The following PRDM16 variants were observed in gnomAD, a reference collection of about 807,000 sequenced individuals.
PRDM16 encodes the protein histone-lysine N-methyltransferase PRDM16.
A neutral mutation model predicts 110.6 loss-of-function variants in PRDM16; 23 were observed. That is an observed-to-expected ratio of 0.21 (90% confidence interval 0.15 to 0.29). The LOEUF (loss-of-function observed/expected upper bound fraction) is 0.29. Among genes scored for constraint, PRDM16 ranks in the 10% least tolerant of loss-of-function variants. PRDM16 has a pLI of 1.00. For missense variants in PRDM16, 1,615 were observed against 1,794.3 expected, an observed-to-expected ratio of 0.90 and a Z score of 1.81; for synonymous variants, 799 against 781.8, an observed-to-expected ratio of 1.02 and a Z score of -0.37.
chr1:3,172,113 A>C (rs980139106), intron 1 of PRDM16, among the ~76,000 whole-genome samples: 7 of 152,156 alleles, frequency 4.6e-5, no homozygotes, highest in African/African-American at 1.7e-4. Context: ...CCACCTAGCA[A>C]TCAGGGTGGA....
At chr1:3,381,212 CACAT>C (rs1643096098) in intron 3 of PRDM16, among the ~76,000 whole-genome samples, 1 of 152,160 alleles carries the variant, frequency 6.6e-6, no homozygotes, top group African/African-American at 2.4e-5. Flanking sequence ...GCACACCCCC[CACAT>C]ACATTTGCAC....
At chr1:3,118,078 C>T (rs12408983) in intron 1 of PRDM16, among the ~76,000 whole-genome samples, 2,114 of 148,828 alleles carry the variant, frequency 0.014, 76 homozygotes, top group East Asian at 0.076. Flanking sequence ...TGTGTGTGTG[C>T]GTGCATGTGT....
intron 3 of PRDM16, among the ~76,000 whole-genome samples, chr1:3,355,693 CCA>C (rs1642581886): frequency 6.6e-6 from 1 of 152,214 alleles, no homozygotes; most frequent in Non-Finnish European, 1.5e-5. Context: ...ACCTCTCAGA[CCA>C]CACAGATGAG....
In PRDM16 at chr1:3,271,055, C is replaced by T. The variant is rs533763820; in HGVS notation, c.438+26918C>T. On this transcript the variant is annotated intron_variant, in intron 3 of 16. Transcript: ENST00000270722. Reference sequence around the variant, plus strand: ...GTGTCTGCCACGCTCCTCCCAGTCCCGGCTGTGGCCGGCCTGCCTGCCCCG... The same window carrying T: ...GTGTCTGCCACGCTCCTCCCAGTCCTGGCTGTGGCCGGCCTGCCTGCCCCG... 3.9e-3 allele frequency among the ~76,000 whole-genome samples: 593 copies of T among 152,016 alleles called. 4 individuals are homozygous for T. Among genetic ancestry groups the T allele is most frequent in the African/African-American group, 0.014 (562 of 41,334 alleles).
At chr1:3,427,552 G>A (rs563892130) in intron 14 of PRDM16, among the ~76,000 whole-genome samples, 8 of 152,264 alleles carry the variant, frequency 5.3e-5, no homozygotes, top group Non-Finnish European at 7.4e-5. Flanking sequence ...GCAGGGCTGC[G>A]TCTTCCTGTC....
At chr1:3,162,110 A>T (rs1250129667) in intron 1 of PRDM16, among the ~76,000 whole-genome samples, 1 of 152,010 alleles carries the variant, frequency 6.6e-6, no homozygotes, top group East Asian at 1.9e-4. Flanking sequence ...TAAAATATAC[A>T]AATGTAATCT....
chr1:3,420,422 G>T (rs1040233969), intron 12 of PRDM16, among the ~76,000 whole-genome samples: 1 of 152,230 alleles, frequency 6.6e-6, no homozygotes, highest in Non-Finnish European at 1.5e-5. Flanking sequence ...CCACGTGTGT[G>T]CCCGCCGCAT....
intron 1 of PRDM16, among the ~76,000 whole-genome samples, chr1:3,135,443 C>A (rs900649333): frequency 6.6e-6 from 1 of 152,332 alleles, no homozygotes; most frequent in South Asian, 2.1e-4. Flanking sequence ...GAGCTCCGGG[C>A]GTCCTGGGAA....
intron 3 of PRDM16, among the ~76,000 whole-genome samples, chr1:3,365,382 G>A (rs61759199): frequency 0.023 from 3,533 of 152,326 alleles, 66 homozygotes; most frequent in South Asian, 0.034. Context: ...GAGGAAAGGC[G>A]CGTGTGGCTG....
rs1350960122 is a variant in PRDM16 at position 3,431,010 on chromosome 1, C to T, written c.3423C>T (p.Asp1141=). The change falls in exon 15 of 17, where the codon GAC becomes GAT. Residue 1141 remains aspartate, a synonymous_variant. Coordinates refer to ENST00000270722, the MANE Select transcript of PRDM16 (RefSeq NM_022114.4). The stretch of plus-strand genomic sequence containing the variant: ...GCCTGGCCGGGAAGTCGCAGGATGA[C>T]ACCGTGTCCCCCGCACCCGAGCCCC... ...EDSLAGKSQD[D]TVSPAPEPQA... is the part of the protein sequence containing the mutation. The T allele has an allele frequency of 6.3e-7, 1 of 1,586,412 alleles. No individual in the cohort carries two copies.
intron 1 of PRDM16, among the ~76,000 whole-genome samples, chr1:3,166,817 G>T (rs79628785): frequency 0.044 from 6,674 of 152,264 alleles, 346 homozygotes; most frequent in East Asian, 0.11. Context: ...CCGGTAAACT[G>T]GAGTTGCCAT....
chr1:3,323,671 G>A lies in PRDM16; in HGVS notation c.439-61481G>A, dbSNP rs950925778. 2.6e-5 allele frequency among the ~76,000 whole-genome samples: 4 copies of A among 152,372 alleles called. No homozygotes were observed. The South Asian group carries it at 6.2e-4, about 24-fold the overall frequency. On this transcript the variant is annotated intron_variant, in intron 3 of 16. Transcript: ENST00000270722. ...AAAAGCACCGACAAAGGCGAGGGCC[G>A]GTGCTGGGAGCGGCCGCACTTCCCC... is the stretch of plus-strand genomic sequence containing the variant.
At chr1:3,304,440 A>AATGCCTGCCCCGTTTTATACAT (rs1641268167) in intron 3 of PRDM16, among the ~76,000 whole-genome samples, 1 of 152,206 alleles carries the variant, frequency 6.6e-6, no homozygotes, top group Non-Finnish European at 1.5e-5. Context: ...GCCTCAGACA[A>AATGCCTGCCCCGTTTTATACAT]ATGCCTGCCC....
chr1:3,173,327 C>T (rs1014571313), intron 1 of PRDM16, among the ~76,000 whole-genome samples: 5 of 152,250 alleles, frequency 3.3e-5, no homozygotes, highest in African/African-American at 9.6e-5. Context: ...AGTGGCATCG[C>T]GAGTCATTCA....
At chr1:3,395,298 A>T (rs1208117445) in intron 4 of PRDM16, among the ~76,000 whole-genome samples, 1 of 152,116 alleles carries the variant, frequency 6.6e-6, no homozygotes, top group Non-Finnish European at 1.5e-5. Context: ...GGCCTGACAC[A>T]GGATGGTCAG....
rs72846901 is a variant in PRDM16, at chr1:3,206,074, A to T, written c.387+19600A>T. On this transcript the variant is annotated intron_variant, in intron 2 of 16. Coordinates refer to ENST00000270722, the MANE Select transcript of PRDM16 (RefSeq NM_022114.4). The surrounding 1 kb of genome is among the most constrained non-coding windows in gnomAD (Gnocchi z 4.9). ...CAGCCCCCTACCTGCGTTCCCCATGACCGGTGCTCACAACAGAGGTGCCCC... is the reference window on the plus strand; with the variant it reads ...CAGCCCCCTACCTGCGTTCCCCATGTCCGGTGCTCACAACAGAGGTGCCCC... 1 of 151,620 alleles carries T rather than the reference A, an allele frequency of 6.6e-6. No individual in the cohort carries two copies. The highest frequency in any genetic ancestry group is 1.9e-4 in the East Asian group (1 of 5,184). 9.4% of individuals were successfully genotyped at this position (151,620 alleles called of 1,614,324 possible). A position where few individuals can be genotyped will look rare whatever the true frequency, so the allele number is the denominator to read the frequency against.
intron 3 of PRDM16, among the ~76,000 whole-genome samples, chr1:3,346,417 G>T (rs1642363916): frequency 6.6e-6 from 1 of 152,150 alleles, no homozygotes; most frequent in Non-Finnish European, 1.5e-5. Context: ...CCTGCCTGGT[G>T]CTCAAAGCAC....
chr1:3,141,386 G>A (rs952483924), intron 1 of PRDM16, among the ~76,000 whole-genome samples: 1 of 152,216 alleles, frequency 6.6e-6, no homozygotes, highest in Non-Finnish European at 1.5e-5. Flanking sequence ...AGGGACGGGG[G>A]AGCCGGCTTG....
intron 12 of PRDM16, among the ~76,000 whole-genome samples, chr1:3,420,243 G>C (rs1638390257): frequency 3.9e-5 from 6 of 152,220 alleles, no homozygotes; most frequent in Admixed American, 3.9e-4. Flanking sequence ...GAGGGGTTTG[G>C]AGCGTGTAGC....
Sources: allele counts gnomAD v4.1 joint callset (sites outside exome capture counted in the v4.1 genomes callset), GRCh38; gene constraint gnomAD v4.1.1; non-coding constraint Gnocchi (gnomAD v3.1); transcripts MANE v1.5; gene names NCBI Gene and HGNC (gene_info 2026-07-23, HGNC 2026-07-21).